The following REV3L variants were observed in gnomAD, a reference collection of about 807,000 sequenced individuals.
REV3L encodes the protein REV3 like, DNA directed polymerase zeta catalytic subunit.
A neutral mutation model predicts 299.4 loss-of-function variants in REV3L; 69 were observed. The ratio of observed to expected loss-of-function variants is 0.23; its 90% CI spans 0.19 to 0.28. The LOEUF (loss-of-function observed/expected upper bound fraction) is 0.28, where lower values mean the gene tolerates loss of function less well. Ranked by LOEUF, REV3L falls within the 10% of genes least tolerant of loss-of-function variation. The probability of loss-of-function intolerance (pLI) is 1.00; values close to 1 mark genes in which losing one functional copy is unlikely to be tolerated. For missense variants in REV3L, 3,128 were observed against 3,693.8 expected (o/e 0.85, Z 3.97); for synonymous variants, 1,238 against 1,271.4 (o/e 0.97, Z 0.56).
At chr6:111,329,445 C>T (rs1202910263) in intron 25 of REV3L, 87 bp downstream of exon 25, 3 of 1,299,320 alleles carry the variant, frequency 2.3e-6, no homozygotes, top group Non-Finnish European at 3.3e-6. Context: ...TCTTAGCTTC[C>T]AAAGTAACTG....
At chr6:111,454,511 C>T (rs1303783122) in intron 1 of REV3L, among the ~76,000 whole-genome samples, 1 of 152,108 alleles carries the variant, frequency 6.6e-6, no homozygotes, top group Non-Finnish European at 1.5e-5. Context: ...ACTTTCCCAT[C>T]ATCACAAACT....
chr6:111,373,698 T>C lies in REV3L; in HGVS notation c.4657A>G (p.Asn1553Asp), dbSNP rs1238817608. The change falls in exon 13 of 32, where the codon AAT becomes GAT. Residue 1553 changes from asparagine (N) to aspartate (D), a missense_variant. Physicochemically the swap from Asn to Asp is conservative, Grantham distance 23 (BLOSUM62 1). This residue lies in a region of REV3L where 2,409 missense variants were observed against 2,611.8 expected (regional missense o/e 0.92). Transcript: ENST00000368802. The part of the protein sequence containing the change: ...NANTTQDPLS[N>D]KHQPNKNISG... ...ATATTTTTATTTGGTTGATGTTTAT[T>C]GGATAATGGGTCTTGTGTAGTATTT... 6.2e-7 allele frequency: 1 copy of C among 1,613,812 alleles called. No individual in the cohort carries two copies. Among genetic ancestry groups the C allele is most frequent in the African/African-American group, 1.3e-5 (1 of 74,886 alleles).
At chr6:111,333,025 G>A (rs1775548367) in intron 23 of REV3L, 98 bp downstream of exon 23, 2 of 1,385,820 alleles carry the variant, frequency 1.4e-6, no homozygotes, top group Non-Finnish European at 2.0e-6. Context: ...TTGCTCATAG[G>A]GAAGGTGTCC....
intron 2 of REV3L, among the ~76,000 whole-genome samples, chr6:111,415,948 G>C (rs1319719643): frequency 6.6e-6 from 1 of 152,086 alleles, no homozygotes. Flanking sequence ...AGGGCTCTTT[G>C]TTTTGTCCAG....
chr6:111,431,689 TC>T, intron 1 of REV3L: 2 of 955,860 alleles, frequency 2.1e-6, no homozygotes, highest in Admixed American at 1.8e-5. Context: ...TTCCATTCCT[TC>T]CCCCGTCATG....
intron 1 of REV3L, among the ~76,000 whole-genome samples, chr6:111,447,898 GTTCA>G (rs1288269499): frequency 6.6e-6 from 1 of 152,104 alleles, no homozygotes; most frequent in Non-Finnish European, 1.5e-5. Context: ...CAAACACTGT[GTTCA>G]TTGAGTATTG....
chr6:111,356,588 A>G (rs185550715), intron 18 of REV3L: 5 of 152,426 alleles, frequency 3.3e-5, no homozygotes, highest in African/African-American at 7.2e-5. Flanking sequence ...TTTAGAACTC[A>G]GAAAACTTTA....
chr6:111,319,003 GAT>G (rs1582489958), intron 26 of REV3L, among the ~76,000 whole-genome samples: 2 of 152,184 alleles, frequency 1.3e-5, no homozygotes, highest in East Asian at 1.9e-4. Flanking sequence ...GGGAGAATAA[GAT>G]AACTTTTTAG....
intron 13 of REV3L, among the ~76,000 whole-genome samples, chr6:111,370,916 G>A (rs901741536): frequency 6.6e-6 from 1 of 151,750 alleles, no homozygotes; most frequent in Non-Finnish European, 1.5e-5. Flanking sequence ...TGTTCTTGGT[G>A]TGGTACTTTC....
intron 1 of REV3L, among the ~76,000 whole-genome samples, chr6:111,454,118 TTAA>T (rs1293914279): frequency 6.7e-6 from 1 of 149,504 alleles, no homozygotes; most frequent in East Asian, 1.9e-4. Flanking sequence ...TTTTTTTTTT[TTAA>T]TAATAGAGAC....
Position 111,483,151 on chromosome 6 carries a change from A to G in REV3L, c.-263T>C. The G allele has an allele frequency of 2.1e-6, 1 of 484,330 alleles. No individual in the cohort carries two copies. Among genetic ancestry groups the G allele is most frequent in the Non-Finnish European group, 3.6e-6 (1 of 279,836 alleles). 30.0% of individuals were successfully genotyped at this position (484,330 alleles called of 1,614,324 possible). A position where few individuals can be genotyped will look rare whatever the true frequency, so the allele number is the denominator to read the frequency against. ...TGCTGGTGCTGCCGCCACTGCCGCC[A>G]CCGCCGGGAATCACACGGGCTCCTC... is the stretch of plus-strand genomic sequence containing the variant. On this transcript the variant is annotated 5_prime_UTR_variant, in exon 1 of 32. Transcript: ENST00000368802.
At chr6:111,392,136 A>T (rs1781997713) in intron 5 of REV3L, among the ~76,000 whole-genome samples, 1 of 152,254 alleles carries the variant, frequency 6.6e-6, no homozygotes, top group African/African-American at 2.4e-5. Context: ...GTCAAGGATG[A>T]ATATTCCCGA....
intron 16 of REV3L, among the ~76,000 whole-genome samples, chr6:111,360,264 C>G (rs911484949): frequency 1.3e-5 from 2 of 151,904 alleles, no homozygotes; most frequent in African/African-American, 4.8e-5. Flanking sequence ...CAGTAAACTT[C>G]TATACATGAA....
intron 1 of REV3L, among the ~76,000 whole-genome samples, chr6:111,428,020 GAA>G (rs373499101): frequency 3.4e-5 from 4 of 117,814 alleles, no homozygotes; most frequent in African/African-American, 3.1e-5. Flanking sequence ...GCAGATTTAA[GAA>G]AAAAAAAAAA....
chr6:111,336,855 G>C (rs1438680595), intron 21 of REV3L, among the ~76,000 whole-genome samples: 3 of 152,098 alleles, frequency 2.0e-5, no homozygotes, highest in African/African-American at 7.2e-5. Flanking sequence ...AAGAAATACT[G>C]AAAGATGCTA....
In REV3L at chr6:111,405,570, C is replaced by T. The variant is rs201104590; in HGVS notation, c.465G>A (p.Ala155=). The change falls in exon 4 of 32, where the codon GCG becomes GCA. Residue 155 remains alanine, a synonymous_variant. Transcript: ENST00000368802. ...IMNKFYQPHE[A]HIPYLLQLFI... is the part of the protein sequence containing the mutation. ...AGAGCTGTAGGAGGTAGGGAATATG[C>T]GCTTCATGAGGCTGGTAAAATTTAT... is the stretch of plus-strand genomic sequence containing the variant. 29 of 1,604,848 alleles carry T rather than the reference C, an allele frequency of 1.8e-5. No homozygotes were observed. Among genetic ancestry groups the T allele is most frequent in the Middle Eastern group, 1.7e-4 (1 of 6,036 alleles).
chr6:111,418,918 A>G (rs939102946), intron 1 of REV3L, among the ~76,000 whole-genome samples: 3 of 152,242 alleles, frequency 2.0e-5, no homozygotes, highest in Admixed American at 2.0e-4. Context: ...ACAAAACAGA[A>G]TAACTGCTTA....
chr6:111,335,751 G>A, intron 21 of REV3L, 141 bp from the exon 22 acceptor site: 1 of 733,404 alleles, frequency 1.4e-6, no homozygotes, highest in East Asian at 3.1e-5. Context: ...TTTAAGCAAA[G>A]TATGCTAAGG....
At chr6:111,386,985 T>C (rs1242186695) in intron 9 of REV3L, among the ~76,000 whole-genome samples, 2 of 152,072 alleles carry the variant, frequency 1.3e-5, no homozygotes, top group Non-Finnish European at 2.9e-5. Context: ...GCCTCTCAAA[T>C]TGCTGAGATT....
Sources: gnomAD v4.1 joint callset for allele counts (sites outside exome capture counted in the v4.1 genomes callset) on GRCh38, gnomAD v4.1.1 for gene constraint, gnomAD v4.1.1 regional missense constraint, MANE v1.5 for transcripts, NCBI Gene and HGNC (gene_info 2026-07-23, HGNC 2026-07-21) for gene names.